Variants in ZBBX observed in about 807,000 individuals in gnomAD.
ZBBX encodes the protein zinc finger B-box domain containing.
ZBBX carries 101 observed loss-of-function variants against 108.5 expected under a neutral mutation model. The ratio of observed to expected loss-of-function variants is 0.93; its 90% confidence interval spans 0.79 to 1.10. The LOEUF (loss-of-function observed/expected upper bound fraction) is 1.10, where lower values mean the gene tolerates loss of function less well. Among genes scored for constraint, ZBBX ranks in the 50% least tolerant of loss-of-function variants. The pLI, the probability that ZBBX is intolerant of heterozygous loss-of-function variation, is 0.00. For synonymous variants in ZBBX, 356 were observed against 323.4 expected (o/e 1.10, Z -1.08); for missense variants, 1,009 against 941.4 (o/e 1.07, Z -0.94).
intron 5 of ZBBX, chr3:167,366,726 CTT>C (rs1288753265): frequency 2.4e-6 from 1 of 412,138 alleles, no homozygotes; most frequent in African/African-American, 2.1e-5. Flanking sequence ...CTCAGTCAAG[CTT>C]TAGAATGTTA....
chr3:167,211,436 C>G, the ZBBX span, among the ~76,000 whole-genome samples: 1 of 152,130 alleles, frequency 6.6e-6, no homozygotes, highest in Admixed American at 6.6e-5. Context: ...CTGTACATAC[C>G]CCTAGGCAAA....
intron 4 of ZBBX, among the ~76,000 whole-genome samples, chr3:167,371,856 T>C (rs1215413361): frequency 6.6e-6 from 1 of 152,172 alleles, no homozygotes; most frequent in Non-Finnish European, 1.5e-5. Flanking sequence ...AGAATAGCTT[T>C]GAAGACACCA....
At position 167,242,519 on chromosome 3, in the gene ZBBX, T is replaced by C; in HGVS notation, c.2379A>G (p.Gly793=). ...LKTSHVRGPC[G]VEELSCSGRD... Reference sequence around the variant, plus strand: ...GCTTAACTTACCTCAATTCCTCAACTCCACAGGGACCCCTCACATGTGAGG... The same window carrying C: ...GCTTAACTTACCTCAATTCCTCAACCCCACAGGGACCCCTCACATGTGAGG... Residue 793 remains glycine (G), a synonymous_variant, in exon 21 of 22, where the codon GGA becomes GGG. Transcript: ENST00000675490. 6.2e-7 allele frequency: 1 copy of C among 1,607,224 alleles called. No individual in the cohort carries two copies.
chr3:167,333,102 T>C (rs1738939445), intron 10 of ZBBX, among the ~76,000 whole-genome samples: 1 of 151,980 alleles, frequency 6.6e-6, no homozygotes, highest in African/African-American at 2.4e-5. Context: ...CCTACTAGCA[T>C]AGAACACATT....
At chr3:167,313,497 G>A (rs557774332) in intron 16 of ZBBX, among the ~76,000 whole-genome samples, 1 of 151,862 alleles carries the variant, frequency 6.6e-6, no homozygotes, top group African/African-American at 2.4e-5. Flanking sequence ...TGGCCAGGCT[G>A]GTCTCAAACT....
the ZBBX span, among the ~76,000 whole-genome samples, chr3:167,231,961 ACTT>A: frequency 6.6e-6 from 1 of 151,860 alleles, no homozygotes; most frequent in Non-Finnish European, 1.5e-5. Context: ...AATCATTTTT[ACTT>A]CTACTTTCCA....
At chr3:167,256,207 G>A (rs1723482396) in intron 20 of ZBBX, among the ~76,000 whole-genome samples, 2 of 152,172 alleles carry the variant, frequency 1.3e-5, no homozygotes, top group African/African-American at 4.8e-5. Flanking sequence ...CCATTCATCT[G>A]TTAATGAATA....
intron 15 of ZBBX, among the ~76,000 whole-genome samples, chr3:167,314,672 A>G (rs946667394): frequency 1.3e-5 from 2 of 152,152 alleles, no homozygotes; most frequent in East Asian, 3.8e-4. Flanking sequence ...AAACTTCTGG[A>G]TTATATTCAA....
chr3:167,210,088 T>TTAAAA, the ZBBX span, among the ~76,000 whole-genome samples: 55 of 152,014 alleles, frequency 3.6e-4, no homozygotes, highest in African/African-American at 1.1e-3. Flanking sequence ...AGACTTGGTC[T>TTAAAA]TAAAATAAAA....
chr3:167,333,166 C>A (rs1738954390), intron 10 of ZBBX, among the ~76,000 whole-genome samples: 1 of 151,856 alleles, frequency 6.6e-6, no homozygotes, highest in Admixed American at 6.6e-5. Context: ...AACTTCAACC[C>A]AGACTTGGTC....
the ZBBX span, among the ~76,000 whole-genome samples, chr3:167,231,438 G>C: frequency 6.6e-6 from 1 of 151,692 alleles, no homozygotes; most frequent in Non-Finnish European, 1.5e-5. Flanking sequence ...ATAATGCTGA[G>C]ACCCTGACTA....
At chr3:167,336,704 T>A (rs936499021) in intron 9 of ZBBX, among the ~76,000 whole-genome samples, 2 of 152,232 alleles carry the variant, frequency 1.3e-5, no homozygotes, top group Non-Finnish European at 1.5e-5. Flanking sequence ...TTCCCGAAAC[T>A]GAAAATATTA....
Position 167,315,769 on chromosome 3 carries a change from C to T in ZBBX, c.1255G>A (p.Asp419Asn). 2 of 1,608,116 alleles carry T rather than the reference C, an allele frequency of 1.2e-6. No individual in the cohort carries two copies. The highest frequency in any genetic ancestry group is 1.7e-6 in the Non-Finnish European group (2 of 1,176,614). Residue 419 changes from aspartate (D) to asparagine (N), a missense_variant, in exon 15 of 22, where the codon GAT becomes AAT. Coordinates refer to ENST00000675490, the MANE Select transcript of ZBBX (RefSeq NM_001199201.2). Reference sequence around the variant, plus strand: ...TTTTACCTTCGTTGACTGTCTGCATCAGCTAATTTAACTTTGTAAGGCACA... The same window carrying T: ...TTTTACCTTCGTTGACTGTCTGCATTAGCTAATTTAACTTTGTAAGGCACA... ...NIVPYKVKLA[D>N]ADSQRSCAFH... is the part of the protein sequence containing the mutation.
intron 17 of ZBBX, among the ~76,000 whole-genome samples, chr3:167,301,137 C>T (rs763152825): frequency 6.6e-5 from 10 of 152,158 alleles, no homozygotes; most frequent in South Asian, 2.1e-4. Context: ...TCATGTCACA[C>T]ACCTTCCTTT....
chr3:167,277,618 A>G (rs1369328685), intron 20 of ZBBX, among the ~76,000 whole-genome samples: 1 of 152,160 alleles, frequency 6.6e-6, no homozygotes, highest in Non-Finnish European at 1.5e-5. Context: ...AGTGACCTAC[A>G]AAGAGACTTA....
intron 19 of ZBBX, among the ~76,000 whole-genome samples, chr3:167,287,148 T>C (rs1001083181): frequency 3.9e-5 from 6 of 152,148 alleles, no homozygotes; most frequent in Admixed American, 2.0e-4. Flanking sequence ...CTAACTATTA[T>C]AGCTGATAGG....
chr3:167,249,064 C>G lies in ZBBX; in HGVS notation c.2255-6421G>C, dbSNP rs905772470. Among the ~76,000 whole-genome samples, 3 of 152,360 alleles carry G rather than the reference C, an allele frequency of 2.0e-5. No homozygotes were observed. The East Asian group carries it at 5.8e-4, about 29-fold the overall frequency. On this transcript the variant is annotated intron_variant, in intron 20 of 21. Transcript: ENST00000675490. Reference sequence around the variant, plus strand: ...TTATTTTCACCACGCTCAGCCTATACTCCTCTGGAGTGTATTCTGAACCAC... The same window carrying G: ...TTATTTTCACCACGCTCAGCCTATAGTCCTCTGGAGTGTATTCTGAACCAC...
intron 20 of ZBBX, among the ~76,000 whole-genome samples, chr3:167,277,543 A>G (rs894589824): frequency 2.0e-5 from 3 of 152,202 alleles, no homozygotes; most frequent in Non-Finnish European, 2.9e-5. Context: ...CAACAAGAAG[A>G]GCTAACTATC....
In ZBBX at chr3:167,372,945, A is replaced by G. The variant is rs1179373040; in HGVS notation, c.-44T>C. 1 of 1,462,020 alleles carries G rather than the reference A, an allele frequency of 6.8e-7. No individual in the cohort carries two copies. Among genetic ancestry groups the G allele is most frequent in the East Asian group, 2.3e-5 (1 of 43,300 alleles). The allele number at this position is 1,462,020 out of a possible 1,614,324, so 90.6% of individuals were successfully genotyped here. Reference sequence around the variant, plus strand: ...GTCTAAAAGTTATTCTGATTTGTAAACACTTCTGTAAAAGTAACAAAGACA... The same window carrying G: ...GTCTAAAAGTTATTCTGATTTGTAAGCACTTCTGTAAAAGTAACAAAGACA... On this transcript the variant is annotated 5_prime_UTR_variant, in exon 4 of 22. Transcript: ENST00000675490.
Sources: gnomAD v4.1 joint callset for allele counts (sites outside exome capture counted in the v4.1 genomes callset) on GRCh38, gnomAD v4.1.1 for gene constraint, MANE v1.5 for transcripts, NCBI Gene and HGNC (gene_info 2026-07-23, HGNC 2026-07-21) for gene names.